SCGB2B2: variants seen among roughly 807,000 people sequenced by gnomAD.
The protein encoded by SCGB2B2 is secretoglobin family 2B member 2.
In SCGB2B2, 11 loss-of-function variants were observed where a neutral mutation model predicts 7.6. That is an observed-to-expected ratio of 1.45 (90% CI 0.91 to 2.40). SCGB2B2 has a LOEUF of 2.40. SCGB2B2 is among the 30% of genes most tolerant of loss of function. The pLI is 0.00. For synonymous variants in SCGB2B2, 50 were observed against 48.6 expected, an observed-to-expected ratio of 1.03 and a Z score of -0.12; for missense variants, 104 against 115.4, an observed-to-expected ratio of 0.90 and a Z score of 0.45.
intron 1 of SCGB2B2, among the ~76,000 whole-genome samples, chr19:34,667,404 C>T (rs2067662394): frequency 6.6e-6 from 1 of 152,254 alleles, no homozygotes; most frequent in Middle Eastern, 3.4e-3. Context: ...GCCCAGGCAG[C>T]CTGTCCGGCC....
At chr19:34,641,133 C>T (rs2146005830) in intron 1 of SCGB2B2, among the ~76,000 whole-genome samples, 1 of 151,798 alleles carries the variant, frequency 6.6e-6, no homozygotes, top group South Asian at 2.1e-4. Flanking sequence ...TGCTTATATG[C>T]CTGGACTTTG....
chr19:34,652,133 G>A (rs144774098), intron 1 of SCGB2B2, among the ~76,000 whole-genome samples: 3 of 151,108 alleles, frequency 2.0e-5, no homozygotes, highest in Non-Finnish European at 4.4e-5. Flanking sequence ...AAATCAACTC[G>A]AAATAGTTTA....
At chr19:34,648,780 G>A (rs2067087037) in intron 1 of SCGB2B2, among the ~76,000 whole-genome samples, 1 of 151,508 alleles carries the variant, frequency 6.6e-6, no homozygotes, top group African/African-American at 2.4e-5. Flanking sequence ...TTATTAAAAT[G>A]AATTTTTTAA....
Position 34,593,532 on chromosome 19 carries a change from T to C in SCGB2B2, c.*23A>G. 6.5e-7 allele frequency: 1 copy of C among 1,543,106 alleles called. No individual in the cohort carries two copies. Among genetic ancestry groups the C allele is most frequent in the East Asian group, 2.4e-5 (1 of 40,912 alleles). ...CCCAAGGAAGGCAGGAGGGCCAATA[T>C]CTGATCTGCAGGGGTCCTCAGATCA... On this transcript the variant is annotated 3_prime_UTR_variant, in exon 4 of 4. Coordinates refer to ENST00000601241, the MANE Select transcript of SCGB2B2 (RefSeq NM_001025591.4).
chr19:34,617,911 A>G (rs2066131858), intron 1 of SCGB2B2, among the ~76,000 whole-genome samples: 1 of 152,048 alleles, frequency 6.6e-6, no homozygotes, highest in Non-Finnish European at 1.5e-5. Flanking sequence ...GCCGTCTGTC[A>G]CCCCTTTCTT....
At position 34,667,640 on chromosome 19, in the gene SCGB2B2, G is replaced by A. The variant is rs115923235; in HGVS notation, c.-2032+7990C>T. 1.8e-3 allele frequency among the ~76,000 whole-genome samples: 278 copies of A among 152,348 alleles called. 2 individuals are homozygous for A. The highest frequency in any genetic ancestry group is 6.5e-3 in the African/African-American group (269 of 41,576). On this transcript the variant is annotated intron_variant, in intron 1 of 3. Coordinates refer to ENST00000601241, the MANE Select transcript of SCGB2B2 (RefSeq NM_001025591.4). ...CTTGGGCCTGCTCCCGGTTTGGAGT[G>A]TACTTTCACTTTCAGTTAAGTCTCT...
At chr19:34,628,668 A>G (rs1176718889) in intron 1 of SCGB2B2, among the ~76,000 whole-genome samples, 1 of 152,002 alleles carries the variant, frequency 6.6e-6, no homozygotes, top group Admixed American at 6.5e-5. Flanking sequence ...ACAGATTCAC[A>G]GCTGATTTCT....
At chr19:34,658,219 T>A (rs2067336168) in intron 1 of SCGB2B2, among the ~76,000 whole-genome samples, 1 of 151,998 alleles carries the variant, frequency 6.6e-6, no homozygotes. Context: ...ATTCAAAGAC[T>A]AGCAGAATGC....
intron 1 of SCGB2B2, among the ~76,000 whole-genome samples, chr19:34,649,975 C>G (rs1468379729): frequency 2.0e-5 from 3 of 151,270 alleles, no homozygotes; most frequent in Non-Finnish European, 4.4e-5. Context: ...TCAGCCCCAC[C>G]ATTTCCTCTT....
chr19:34,593,606 G>T lies in SCGB2B2; in HGVS notation c.247-7C>A. On this transcript the variant is annotated splice_region_variant and splice_polypyrimidine_tract_variant and intron_variant, in intron 3 of 3. Coordinates refer to ENST00000601241, the MANE Select transcript of SCGB2B2 (RefSeq NM_001025591.4). ...TGCTCTGAAGGATCTTCTTCTGTTG[G>T]AAAAAGAAGAAAGAGAGGAGCCGGT... 6.4e-7 allele frequency: 1 copy of T among 1,551,204 alleles called. No individual in the cohort carries two copies.
At chr19:34,589,853 G>T (rs942076215), downstream of SCGB2B2, among the ~76,000 whole-genome samples, 1 of 152,076 alleles carries the variant, frequency 6.6e-6, no homozygotes, top group African/African-American at 2.4e-5. Flanking sequence ...GAGCCCCCGA[G>T]GGCTTTTCCT....
At position 34,593,529 on chromosome 19, in the gene SCGB2B2, A is replaced by G; in HGVS notation, c.*26T>C. ...AGCCCCAAGGAAGGCAGGAGGGCCA[A>G]TATCTGATCTGCAGGGGTCCTCAGA... On this transcript the variant is annotated 3_prime_UTR_variant, in exon 4 of 4. Coordinates refer to ENST00000601241, the MANE Select transcript of SCGB2B2 (RefSeq NM_001025591.4). 3 of 1,538,644 alleles carry G rather than the reference A, an allele frequency of 1.9e-6. No homozygotes were observed. The highest frequency in any genetic ancestry group is 2.4e-5 in the South Asian group (2 of 83,798).
At chr19:34,629,685 C>T (rs2066474028) in intron 1 of SCGB2B2, among the ~76,000 whole-genome samples, 2 of 152,006 alleles carry the variant, frequency 1.3e-5, no homozygotes, top group Non-Finnish European at 2.9e-5. Flanking sequence ...TGAAAATGGG[C>T]ATATTGCCCA....
rs559344610 is a variant in SCGB2B2 at position 34,647,268 on chromosome 19, T to A, written c.-2032+28362A>T. Among the ~76,000 whole-genome samples the A allele has an allele frequency of 1.4e-4, 21 of 152,294 alleles. No homozygotes were observed. The South Asian group carries it at 4.4e-3, about 32-fold the overall frequency. ...GCCTCTGTCCCACCTCACCCTTCAG[T>A]TGATTTCGTCCTCGCTGGAGGTCTC... On this transcript the variant is annotated intron_variant, in intron 1 of 3. Coordinates refer to ENST00000601241, the MANE Select transcript of SCGB2B2 (RefSeq NM_001025591.4).
chr19:34,599,025 C>A (rs987970507), intron 1 of SCGB2B2, among the ~76,000 whole-genome samples: 1 of 152,260 alleles, frequency 6.6e-6, no homozygotes, highest in African/African-American at 2.4e-5. Context: ...GAATGGCCTG[C>A]CCCCAAATCC....
At chr19:34,609,767 C>G (rs568884157) in intron 1 of SCGB2B2, among the ~76,000 whole-genome samples, 3 of 152,012 alleles carry the variant, frequency 2.0e-5, no homozygotes, top group African/African-American at 7.2e-5. Context: ...ATGCCTCCAA[C>G]TTTTTTCATT....
intron 1 of SCGB2B2, among the ~76,000 whole-genome samples, chr19:34,631,008 A>T (rs1047092824): frequency 6.6e-6 from 1 of 151,352 alleles, no homozygotes; most frequent in Admixed American, 6.6e-5. Context: ...GCAAACTATC[A>T]CAAGGACAAA....
At chr19:34,656,254 A>T (rs1017931345) in intron 1 of SCGB2B2, among the ~76,000 whole-genome samples, 1 of 151,462 alleles carries the variant, frequency 6.6e-6, no homozygotes, top group South Asian at 2.1e-4. Flanking sequence ...AACTGTATGC[A>T]TATTTCATTA....
intron 1 of SCGB2B2, among the ~76,000 whole-genome samples, chr19:34,673,755 C>T (rs935644819): frequency 6.6e-6 from 1 of 152,152 alleles, no homozygotes; most frequent in African/African-American, 2.4e-5. Flanking sequence ...GACATCTGGA[C>T]TCTGCACTGT....
Sources: gnomAD v4.1 joint callset for allele counts (sites outside exome capture counted in the v4.1 genomes callset) on GRCh38, gnomAD v4.1.1 for gene constraint, MANE v1.5 for transcripts, NCBI Gene and HGNC (gene_info 2026-07-23, HGNC 2026-07-21) for gene names.